Variants in SDC2 observed in about 807,000 individuals in gnomAD.
The protein encoded by SDC2 is syndecan 2, also known as syndecan-2.
SDC2 carries 13 observed loss-of-function variants against 22.2 expected under a neutral mutation model. The observed-to-expected ratio is 0.59, with a 90% CI of 0.38 to 0.93. The LOEUF is 0.93. SDC2 is among the 40% of genes least tolerant of loss of function. The probability of loss-of-function intolerance (pLI) is 0.00; values close to 1 mark genes in which losing one functional copy is unlikely to be tolerated. For missense variants in SDC2, 235 were observed against 246.8 expected, an observed-to-expected ratio of 0.95 and a Z score of 0.32; for synonymous variants, 94 against 92.8, an observed-to-expected ratio of 1.01 and a Z score of -0.07.
chr8:96,517,159 T>C (rs894034106), intron 1 of SDC2, among the ~76,000 whole-genome samples: 16 of 152,202 alleles, frequency 1.1e-4, no homozygotes, highest in Non-Finnish European at 2.4e-4. Flanking sequence ...TGGTATCTTA[T>C]TGTGGTTCTG....
intron 1 of SDC2, among the ~76,000 whole-genome samples, chr8:96,584,675 G>T (rs1439098434): frequency 6.6e-6 from 1 of 152,192 alleles, no homozygotes; most frequent in East Asian, 1.9e-4. Context: ...TCTAAACTGT[G>T]GTCATATGGA....
chr8:96,506,843 A>G (rs913507012), intron 1 of SDC2, among the ~76,000 whole-genome samples: 41 of 152,170 alleles, frequency 2.7e-4, no homozygotes, highest in Admixed American at 2.3e-3. Context: ...AACTGTCTCT[A>G]CTAAAAATAC....
At chr8:96,539,638 T>A (rs1325756521) in intron 1 of SDC2, among the ~76,000 whole-genome samples, 1 of 152,244 alleles carries the variant, frequency 6.6e-6, no homozygotes, top group Non-Finnish European at 1.5e-5. Context: ...CTGCATCGTT[T>A]AAGTTGCCCA....
chr8:96,556,468 C>T (rs568664704), intron 1 of SDC2, among the ~76,000 whole-genome samples: 40 of 151,970 alleles, frequency 2.6e-4, no homozygotes, highest in Admixed American at 8.5e-4. Context: ...GAAATAACGC[C>T]GCATATCTAC....
chr8:96,567,541 C>T (rs1207113015), intron 1 of SDC2, among the ~76,000 whole-genome samples: 1 of 152,160 alleles, frequency 6.6e-6, no homozygotes. Flanking sequence ...TCCACCTTAC[C>T]ATTCAGTATG....
At chr8:96,512,300 T>G (rs1813341026) in intron 1 of SDC2, among the ~76,000 whole-genome samples, 1 of 152,212 alleles carries the variant, frequency 6.6e-6, no homozygotes, top group African/African-American at 2.4e-5. Flanking sequence ...CAGGAGCGAC[T>G]TCTCCTCTGG....
At chr8:96,558,819 ATG>A (rs57214351) in intron 1 of SDC2, among the ~76,000 whole-genome samples, 44 of 151,592 alleles carry the variant, frequency 2.9e-4, no homozygotes, top group East Asian at 5.8e-4. Flanking sequence ...ACATTTGAAT[ATG>A]TGTGTGTGTG....
intron 1 of SDC2, among the ~76,000 whole-genome samples, chr8:96,512,164 C>CACGT (rs1813338272): frequency 6.6e-6 from 1 of 152,192 alleles, no homozygotes; most frequent in African/African-American, 2.4e-5. Context: ...GCAGCATAGT[C>CACGT]ACGTGGTCAC....
At chr8:96,498,567 T>C (rs1813110794) in intron 1 of SDC2, among the ~76,000 whole-genome samples, 3 of 151,970 alleles carry the variant, frequency 2.0e-5, no homozygotes, top group African/African-American at 7.2e-5. Flanking sequence ...GCCACCTCAC[T>C]GCAACCACCA....
At position 96,502,850 on chromosome 8, in the gene SDC2, C is replaced by T. The variant is rs960373488; in HGVS notation, c.60+8519C>T. Among the ~76,000 whole-genome samples the T allele has an allele frequency of 5.9e-5, 9 of 152,238 alleles. No individual in the cohort carries two copies. In the Middle Eastern group the frequency reaches 0.01, roughly 173 times the overall value. On this transcript the variant is annotated intron_variant, in intron 1 of 4. Coordinates refer to ENST00000302190, the MANE Select transcript of SDC2 (RefSeq NM_002998.4). The stretch of plus-strand genomic sequence containing the variant: ...TTTTTAGCATAAGGGAATGTCCATG[C>T]GTTGTGTCACATGCTAGTTATAATT...
intron 1 of SDC2, among the ~76,000 whole-genome samples, chr8:96,551,800 A>G (rs1814032076): frequency 6.6e-6 from 1 of 152,146 alleles, no homozygotes; most frequent in Non-Finnish European, 1.5e-5. Context: ...CTGTGATCCC[A>G]ATGAACTTGG....
chr8:96,572,054 T>C (rs140256213), intron 1 of SDC2, among the ~76,000 whole-genome samples: 149 of 152,306 alleles, frequency 9.8e-4, no homozygotes, highest in African/African-American at 3.2e-3. Context: ...CCATCAGTGC[T>C]GGCTCAAGCA....
intron 1 of SDC2, among the ~76,000 whole-genome samples, chr8:96,573,169 T>G (rs1055893816): frequency 5.3e-5 from 8 of 152,154 alleles, no homozygotes; most frequent in African/African-American, 1.9e-4. Flanking sequence ...TTTTTCTCTT[T>G]AATCTTCATG....
At chr8:96,499,993 G>A (rs16894649) in intron 1 of SDC2, among the ~76,000 whole-genome samples, 20,440 of 152,090 alleles carry the variant, frequency 0.13, 2,035 homozygotes, top group East Asian at 0.52. Context: ...GGGTTGGTTG[G>A]CACTCCTGAA....
At chr8:96,511,335 C>G (rs998424828) in intron 1 of SDC2, among the ~76,000 whole-genome samples, 5 of 152,130 alleles carry the variant, frequency 3.3e-5, no homozygotes, top group African/African-American at 4.8e-5. Context: ...AAATGAGGGT[C>G]CCAGACCAGC....
intron 1 of SDC2, among the ~76,000 whole-genome samples, chr8:96,570,679 A>C (rs961478988): frequency 6.6e-6 from 1 of 152,256 alleles, no homozygotes; most frequent in African/African-American, 2.4e-5. Context: ...TCTAAGGGTG[A>C]AGTACACACT....
chr8:96,498,361 C>T (rs936786073), intron 1 of SDC2, among the ~76,000 whole-genome samples: 12 of 152,216 alleles, frequency 7.9e-5, no homozygotes, highest in African/African-American at 2.9e-4. Flanking sequence ...CCATGGGAAC[C>T]TGCACTTAAA....
chr8:96,524,264 C>A (rs1813543367), intron 1 of SDC2, among the ~76,000 whole-genome samples: 1 of 152,180 alleles, frequency 6.6e-6, no homozygotes, highest in African/African-American at 2.4e-5. Flanking sequence ...ACATTCTTTT[C>A]ATGAGATTTA....
intron 1 of SDC2, among the ~76,000 whole-genome samples, chr8:96,586,081 G>A (rs1319532699): frequency 6.6e-6 from 1 of 152,130 alleles, no homozygotes; most frequent in African/African-American, 2.4e-5. Context: ...CCATTTAAAT[G>A]TTTTCCAAAG....
Sources: gnomAD v4.1 joint callset for allele counts (sites outside exome capture counted in the v4.1 genomes callset) on GRCh38, gnomAD v4.1.1 for gene constraint, MANE v1.5 for transcripts, NCBI Gene and HGNC (gene_info 2026-07-23, HGNC 2026-07-21) for gene names.